QTMAN: variants seen among roughly 807,000 people sequenced by gnomAD.
QTMAN encodes tRNA-queuosine alpha-mannosyltransferase.
the QTMAN span, among the ~76,000 whole-genome samples, chr2:144,253,943 G>A: frequency 6.6e-6 from 1 of 152,176 alleles, no homozygotes; most frequent in Non-Finnish European, 1.5e-5. Flanking sequence ...TGGTTTCCTG[G>A]GCTGGGTCCA....
the QTMAN span, among the ~76,000 whole-genome samples, chr2:144,064,280 T>C: frequency 6.6e-6 from 1 of 152,248 alleles, no homozygotes. Context: ...GCATTCGATT[T>C]CATTCATTCT....
chr2:144,122,734 G>A, the QTMAN span, among the ~76,000 whole-genome samples: 4 of 152,212 alleles, frequency 2.6e-5, no homozygotes, highest in South Asian at 6.2e-4. Context: ...AAGTATTCAC[G>A]TATTTTATCA....
chr2:144,162,978 C>T, the QTMAN span, among the ~76,000 whole-genome samples: 1 of 152,234 alleles, frequency 6.6e-6, no homozygotes, highest in East Asian at 1.9e-4. Context: ...TAACACAAAA[C>T]TGTTTCTGAA....
At chr2:144,077,037 G>T in the QTMAN span, among the ~76,000 whole-genome samples, 3 of 134,502 alleles carry the variant, frequency 2.2e-5, no homozygotes, top group Non-Finnish European at 4.7e-5. Context: ...AAGAATCTTA[G>T]AATTCAAAAA....
chr2:144,146,821 T>C, the QTMAN span, among the ~76,000 whole-genome samples: 1 of 151,830 alleles, frequency 6.6e-6, no homozygotes, highest in South Asian at 2.1e-4. Flanking sequence ...TAATTCCCTT[T>C]CTAAAAAATC....
chr2:144,256,752 C>T, the QTMAN span, among the ~76,000 whole-genome samples: 1 of 151,652 alleles, frequency 6.6e-6, no homozygotes, highest in Non-Finnish European at 1.5e-5. Flanking sequence ...AGGAAAAATA[C>T]CTAATGCATG....
At chr2:144,208,700 A>G in the QTMAN span, 1 of 1,613,852 alleles carries the variant, frequency 6.2e-7, no homozygotes, top group Non-Finnish European at 8.5e-7. Flanking sequence ...TAAACGACAC[A>G]GTCTCCTAAC....
the QTMAN span, among the ~76,000 whole-genome samples, chr2:144,297,492 C>T: frequency 6.6e-6 from 1 of 151,314 alleles, no homozygotes; most frequent in Non-Finnish European, 1.5e-5. Flanking sequence ...TGGTAGGTCT[C>T]GGTTCAGTAA....
chr2:144,281,059 G>GC, the QTMAN span, among the ~76,000 whole-genome samples: 1 of 51,600 alleles, frequency 1.9e-5, no homozygotes, highest in Admixed American at 2.0e-4. Context: ...CCCTCCCCCC[G>GC]CCCCCACCCC....
the QTMAN span, among the ~76,000 whole-genome samples, chr2:144,019,437 TG>T: frequency 2.3e-3 from 195 of 84,638 alleles, 2 homozygotes; most frequent in African/African-American, 0.014. Flanking sequence ...AGCATGCAGG[TG>T]TGTGTGTGTG....
the QTMAN span, among the ~76,000 whole-genome samples, chr2:144,064,359 A>C: frequency 6.6e-6 from 1 of 152,198 alleles, no homozygotes; most frequent in Non-Finnish European, 1.5e-5. Flanking sequence ...GATTACATTC[A>C]ATCTGCATGG....
At chr2:144,176,122 A>G in the QTMAN span, among the ~76,000 whole-genome samples, 1 of 152,216 alleles carries the variant, frequency 6.6e-6, no homozygotes, top group African/African-American at 2.4e-5. Flanking sequence ...AAATATTATC[A>G]AACAGAATCT....
the QTMAN span, among the ~76,000 whole-genome samples, chr2:144,056,891 C>G: frequency 6.6e-6 from 1 of 152,254 alleles, no homozygotes; most frequent in Non-Finnish European, 1.5e-5. Context: ...CTTAACAAAA[C>G]TATCACAAAT....
At chr2:143,976,261 T>C in the QTMAN span, among the ~76,000 whole-genome samples, 6 of 152,170 alleles carry the variant, frequency 3.9e-5, no homozygotes, top group Non-Finnish European at 8.8e-5. Flanking sequence ...TTCCAGATCA[T>C]TAAATCATAA....
the QTMAN span, among the ~76,000 whole-genome samples, chr2:144,217,663 G>C: frequency 6.6e-6 from 1 of 151,930 alleles, no homozygotes; most frequent in African/African-American, 2.4e-5. Flanking sequence ...CTCCTCTGAA[G>C]ATATAACCCT....
At chr2:144,182,828 A>ATT in the QTMAN span, among the ~76,000 whole-genome samples, 5 of 67,206 alleles carry the variant, frequency 7.4e-5, no homozygotes, top group East Asian at 8.9e-4. Context: ...TTATATATAT[A>ATT]ATATATATAT....
the QTMAN span, among the ~76,000 whole-genome samples, chr2:144,088,122 T>C: frequency 6.6e-6 from 1 of 152,052 alleles, no homozygotes; most frequent in East Asian, 1.9e-4. Context: ...ACAAAATCAA[T>C]GTACCAAAAT....
At chr2:144,141,502 T>A in the QTMAN span, among the ~76,000 whole-genome samples, 1 of 150,572 alleles carries the variant, frequency 6.6e-6, no homozygotes, top group Non-Finnish European at 1.5e-5. Flanking sequence ...TTGACTTATC[T>A]AGACCAGTTC....
the QTMAN span, among the ~76,000 whole-genome samples, chr2:144,020,130 A>G: frequency 6.6e-6 from 1 of 151,788 alleles, no homozygotes; most frequent in African/African-American, 2.4e-5. Flanking sequence ...TGGAAAGGGA[A>G]GAGCATGGTC....
Sources: allele counts gnomAD v4.1 joint callset (sites outside exome capture counted in the v4.1 genomes callset), GRCh38; gene constraint gnomAD v4.1.1; transcripts MANE v1.5; gene names NCBI Gene and HGNC (gene_info 2026-07-23, HGNC 2026-07-21).